Variants in GPBP1L1 observed in about 807,000 individuals in gnomAD.
GPBP1L1 encodes the protein GC-rich promoter binding protein 1 like 1.
A neutral mutation model predicts 52.5 loss-of-function variants in GPBP1L1; 23 were observed. That is an observed-to-expected ratio of 0.44 (90% CI 0.32 to 0.62). The LOEUF (loss-of-function observed/expected upper bound fraction) is 0.62. GPBP1L1 is among the 20% of genes least tolerant of loss of function. The pLI, the probability that GPBP1L1 is intolerant of heterozygous loss-of-function variation, is 0.06. For missense variants in GPBP1L1, 596 were observed against 579.3 expected (o/e 1.03, Z -0.30); for synonymous variants, 243 against 203.1 (o/e 1.20, Z -1.67).
rs1645016345 is a variant in GPBP1L1 at position 45,666,857 on chromosome 1, A to G, written c.-1097-5632T>C. On this transcript the variant is annotated intron_variant, in intron 2 of 12. Coordinates refer to ENST00000355105, the MANE Select transcript of GPBP1L1 (RefSeq NM_021639.5). ...CTGTATATTCACACCACAGGCTATT[A>G]TTCAGCTATAAAAAGGAAATGAAGT... Among the ~76,000 whole-genome samples, 3 of 152,376 alleles carry G rather than the reference A, an allele frequency of 2.0e-5. No individual in the cohort carries two copies. The South Asian group carries it at 6.2e-4, about 32-fold the overall frequency.
At chr1:45,632,308 C>A (rs867519428) in intron 10 of GPBP1L1, among the ~76,000 whole-genome samples, 3 of 152,136 alleles carry the variant, frequency 2.0e-5, no homozygotes, top group African/African-American at 7.2e-5. Context: ...GAGGCTGAGG[C>A]AGGAGAACTG....
At chr1:45,644,858 A>G (rs759963465) in intron 6 of GPBP1L1, among the ~76,000 whole-genome samples, 7 of 152,238 alleles carry the variant, frequency 4.6e-5, no homozygotes, top group Non-Finnish European at 8.8e-5. Flanking sequence ...AATTCTTTAT[A>G]AAGTAGTATA....
In GPBP1L1 at chr1:45,686,447, C is replaced by T. The variant is rs1468124644; in HGVS notation, c.-1178G>A. ...CGGAGCTATGGCCAGGGACTAGACG[C>T]TGCGTCTGAGGACGCGTCCCCAGCT... is the stretch of plus-strand genomic sequence containing the variant. On this transcript the variant is annotated 5_prime_UTR_variant, in exon 1 of 13. Transcript: ENST00000355105. The T allele has an allele frequency of 6.6e-6, 1 of 152,388 alleles. No homozygotes were observed. The highest frequency in any genetic ancestry group is 6.5e-5 in the Admixed American group (1 of 15,290). The allele number at this position is 152,388 out of a possible 1,614,324, so 9.4% of individuals were successfully genotyped here. A position where few individuals can be genotyped will look rare whatever the true frequency, so the allele number is the denominator to read the frequency against.
At chr1:45,634,888 G>A (rs1193356559) in intron 8 of GPBP1L1, 2 of 152,258 alleles carry the variant, frequency 1.3e-5, no homozygotes, top group Non-Finnish European at 2.9e-5. Context: ...CACTGTCCAA[G>A]GAGACCAAGG....
chr1:45,666,393 G>A (rs377455681), intron 2 of GPBP1L1, among the ~76,000 whole-genome samples: 18 of 152,166 alleles, frequency 1.2e-4, no homozygotes, highest in Admixed American at 3.9e-4. Context: ...TGATCCGCCC[G>A]CCTCGGCCTC....
intron 2 of GPBP1L1, among the ~76,000 whole-genome samples, chr1:45,665,105 A>G (rs1644993906): frequency 2.6e-5 from 4 of 151,972 alleles, no homozygotes; most frequent in Non-Finnish European, 5.9e-5. Context: ...CCTGGCCAAT[A>G]TGGTGAAACC....
In GPBP1L1 at chr1:45,660,308, C is replaced by T. The variant is rs144529784; in HGVS notation, c.-180G>A. 226 of 985,222 alleles carry T rather than the reference C, an allele frequency of 2.3e-4. 1 individual carries two copies. In the East Asian group the frequency reaches 9.0e-3, roughly 39 times the overall value. 61.0% of individuals were successfully genotyped at this position (985,222 alleles called of 1,614,324 possible). ...CGGCAGCACGACTTATGATGAAGCA[C>T]GAAGAAGCCAGGTTCTGTGTCGATC... On this transcript the variant is annotated 5_prime_UTR_variant, in exon 3 of 13. In the 5' UTR this introduces an upstream ATG that the reference lacks. Coordinates refer to ENST00000355105, the MANE Select transcript of GPBP1L1 (RefSeq NM_021639.5).
chr1:45,642,806 T>C (rs1446499840), intron 6 of GPBP1L1, among the ~76,000 whole-genome samples: 3 of 152,156 alleles, frequency 2.0e-5, no homozygotes, highest in African/African-American at 7.2e-5. Context: ...GTATGCCAAA[T>C]AAGGAGGCAC....
At chr1:45,662,241 C>G (rs192105964) in intron 2 of GPBP1L1, among the ~76,000 whole-genome samples, 13 of 152,286 alleles carry the variant, frequency 8.5e-5, no homozygotes, top group African/African-American at 3.1e-4. Flanking sequence ...GCAATCCTCT[C>G]AGAGACCTCA....
chr1:45,649,033 A>G (rs986130904), intron 6 of GPBP1L1, among the ~76,000 whole-genome samples: 5 of 152,226 alleles, frequency 3.3e-5, no homozygotes, highest in African/African-American at 1.2e-4. Context: ...TCTGTCTCAA[A>G]TAATTTTGTG....
chr1:45,642,417 A>T lies in GPBP1L1; in HGVS notation c.550+10T>A, dbSNP rs1644685843. ...AAAGTTGTGCCTTTAAAATGGCAAA[A>T]TCTACCTACCCCATACTCCAGAAGG... On this transcript the variant is annotated intron_variant, in intron 7 of 12. Coordinates refer to ENST00000355105, the MANE Select transcript of GPBP1L1 (RefSeq NM_021639.5). 6.2e-7 allele frequency: 1 copy of T among 1,604,008 alleles called. No homozygotes were observed. The highest frequency in any genetic ancestry group is 1.3e-5 in the African/African-American group (1 of 74,772).
At chr1:45,650,757 T>C (rs565710128) in intron 6 of GPBP1L1, among the ~76,000 whole-genome samples, 10 of 152,172 alleles carry the variant, frequency 6.6e-5, no homozygotes, top group African/African-American at 2.2e-4. Context: ...CCACAGGTTC[T>C]GCTCTACACC....
In GPBP1L1 at chr1:45,660,866, C is replaced by T. The variant is rs1644939632; in HGVS notation, c.-738G>A. The T allele has an allele frequency of 6.6e-6, 1 of 152,146 alleles. No homozygotes were observed. Among genetic ancestry groups the T allele is most frequent in the Admixed American group, 6.5e-5 (1 of 15,268 alleles). The allele number at this position is 152,146 out of a possible 1,614,324, so 9.4% of individuals were successfully genotyped here. Reference sequence around the variant, plus strand: ...AAAAATAAAAATAGACAGGAATTTGCTACACTTTTCCCTCCACGAACAGCA... The same window carrying T: ...AAAAATAAAAATAGACAGGAATTTGTTACACTTTTCCCTCCACGAACAGCA... On this transcript the variant is annotated 5_prime_UTR_variant, in exon 3 of 13. Transcript: ENST00000355105.
rs775295703 is a variant in GPBP1L1 at position 45,628,248 on chromosome 1, T to A, written c.*8A>T. The A allele has an allele frequency of 6.2e-7, 1 of 1,613,430 alleles. No homozygotes were observed. Among genetic ancestry groups the A allele is most frequent in the South Asian group, 1.1e-5 (1 of 91,080 alleles). ...CTGGGTCAGATTTAACTGTGAGCAT[T>A]TATATGCCTACTTCCAGGCATCGTC... On this transcript the variant is annotated 3_prime_UTR_variant, in exon 13 of 13. Transcript: ENST00000355105.
At chr1:45,665,144 G>A (rs1011753273) in intron 2 of GPBP1L1, among the ~76,000 whole-genome samples, 1 of 152,066 alleles carries the variant, frequency 6.6e-6, no homozygotes, top group Non-Finnish European at 1.5e-5. Flanking sequence ...ACAAAAATTC[G>A]CTGGGTGTCG....
intron 10 of GPBP1L1, among the ~76,000 whole-genome samples, chr1:45,631,688 A>C (rs1644532685): frequency 6.6e-6 from 1 of 152,210 alleles, no homozygotes; most frequent in African/African-American, 2.4e-5. Context: ...CGGAGGCCAA[A>C]GGTGGGAGGA....
At chr1:45,663,050 CAA>C (rs66502921) in intron 2 of GPBP1L1, among the ~76,000 whole-genome samples, 4 of 117,188 alleles carry the variant, frequency 3.4e-5, no homozygotes, top group Admixed American at 9.3e-5. Context: ...GACTCTGTCT[CAA>C]AAAAAAAAAA....
At chr1:45,678,203 T>C (rs1481259088) in intron 2 of GPBP1L1, among the ~76,000 whole-genome samples, 1 of 152,198 alleles carries the variant, frequency 6.6e-6, no homozygotes, top group Non-Finnish European at 1.5e-5. Flanking sequence ...ATGATGAAAA[T>C]GTTCTACAAT....
chr1:45,662,894 T>C (rs1033612614), intron 2 of GPBP1L1, among the ~76,000 whole-genome samples: 2 of 151,452 alleles, frequency 1.3e-5, no homozygotes, highest in Non-Finnish European at 2.9e-5. Context: ...CTACTAAGAA[T>C]ACGAAAATTA....
Sources: gnomAD v4.1 joint callset for allele counts (sites outside exome capture counted in the v4.1 genomes callset) on GRCh38, gnomAD v4.1.1 for gene constraint, MANE v1.5 for transcripts, NCBI Gene and HGNC (gene_info 2026-07-23, HGNC 2026-07-21) for gene names.